CNTN5: variants seen among roughly 807,000 people sequenced by gnomAD.
CNTN5 encodes the protein contactin-5.
In CNTN5, 77 loss-of-function variants were observed where a neutral mutation model predicts 129.1. The observed-to-expected ratio is 0.60, with a 90% CI of 0.50 to 0.72. CNTN5 has a LOEUF of 0.72. CNTN5 is among the 30% of genes least tolerant of loss of function. The pLI, the probability that CNTN5 is intolerant of heterozygous loss-of-function variation, is 0.00. For synonymous variants in CNTN5, 509 were observed against 465.6 expected (o/e 1.09, Z -1.20); for missense variants, 1,478 against 1,328.8 (o/e 1.11, Z -1.75).
At chr11:99,392,483 T>C (rs1385899181) in intron 2 of CNTN5, among the ~76,000 whole-genome samples, 15 of 151,854 alleles carry the variant, frequency 9.9e-5, no homozygotes, top group Non-Finnish European at 1.5e-5. Context: ...TATTGACAGA[T>C]AAGGCTAACT....
intron 2 of CNTN5, among the ~76,000 whole-genome samples, chr11:99,506,365 C>T (rs1946619479): frequency 6.6e-6 from 1 of 152,200 alleles, no homozygotes; most frequent in South Asian, 2.1e-4. Flanking sequence ...ATCTTGCTCT[C>T]TGTTTACAAT....
intron 3 of CNTN5, among the ~76,000 whole-genome samples, chr11:99,742,993 A>T (rs769330106): frequency 1.3e-5 from 2 of 152,192 alleles, no homozygotes; most frequent in Non-Finnish European, 2.9e-5. Flanking sequence ...GTGTGGCTAA[A>T]CTCAGCAACA....
intron 2 of CNTN5, among the ~76,000 whole-genome samples, chr11:99,456,519 A>G (rs1474073377): frequency 1.3e-5 from 2 of 152,098 alleles, no homozygotes; most frequent in African/African-American, 2.4e-5. Flanking sequence ...CCAGGACTAA[A>G]CTGTCATGTT....
intron 2 of CNTN5, among the ~76,000 whole-genome samples, chr11:99,378,811 G>C (rs1056907368): frequency 2.0e-5 from 3 of 151,944 alleles, no homozygotes; most frequent in Non-Finnish European, 4.4e-5. Flanking sequence ...TATTAAAATA[G>C]TTTACAAGAA....
intron 2 of CNTN5, among the ~76,000 whole-genome samples, chr11:99,367,739 G>A (rs1280787899): frequency 6.6e-6 from 1 of 152,122 alleles, no homozygotes; most frequent in Admixed American, 6.6e-5. Flanking sequence ...GAGGTAGGAT[G>A]GGTGGAGAGA....
chr11:100,149,501 T>A (rs1345164920), intron 13 of CNTN5, among the ~76,000 whole-genome samples: 1 of 152,192 alleles, frequency 6.6e-6, no homozygotes, highest in East Asian at 1.9e-4. Flanking sequence ...AAAGGAAAAG[T>A]GTTTGCTTTT....
intron 3 of CNTN5, among the ~76,000 whole-genome samples, chr11:99,681,572 A>G (rs2134717420): frequency 6.6e-6 from 1 of 152,196 alleles, no homozygotes; most frequent in Admixed American, 6.5e-5. Flanking sequence ...TTTTTAGATG[A>G]ATGCTACTGT....
At chr11:99,479,361 G>T (rs1945502317) in intron 2 of CNTN5, among the ~76,000 whole-genome samples, 1 of 151,242 alleles carries the variant, frequency 6.6e-6, no homozygotes, top group African/African-American at 2.4e-5. Context: ...TCTATATGCA[G>T]CATAAAAGTC....
chr11:99,480,746 C>T (rs1945564749), intron 2 of CNTN5, among the ~76,000 whole-genome samples: 1 of 151,762 alleles, frequency 6.6e-6, no homozygotes, highest in Admixed American at 6.6e-5. Context: ...TGAACTAGCC[C>T]CTAGTGTCTA....
chr11:99,360,831 T>A (rs149216240), intron 2 of CNTN5, among the ~76,000 whole-genome samples: 7 of 152,348 alleles, frequency 4.6e-5, no homozygotes, highest in Middle Eastern at 3.4e-3. Context: ...TATAGCCAGG[T>A]TGAGAATATT....
intron 24 of CNTN5, among the ~76,000 whole-genome samples, chr11:100,355,518 C>G (rs961125984): frequency 6.6e-6 from 1 of 151,736 alleles, no homozygotes; most frequent in African/African-American, 2.4e-5. Flanking sequence ...CATTTGTTAC[C>G]ATTATCAATT....
At chr11:100,322,372 G>A (rs1237147814) in intron 21 of CNTN5, among the ~76,000 whole-genome samples, 2 of 151,962 alleles carry the variant, frequency 1.3e-5, no homozygotes, top group Admixed American at 6.6e-5. Flanking sequence ...ACAGGCGCCC[G>A]CCACTACGCC....
intron 3 of CNTN5, among the ~76,000 whole-genome samples, chr11:99,636,381 T>G (rs895085077): frequency 4.7e-5 from 1 of 21,256 alleles, no homozygotes; most frequent in Admixed American, 3.9e-4. Context: ...TCTTTTTTTT[T>G]TTCTTTTTTT....
At chr11:99,733,781 C>G (rs768794085) in intron 3 of CNTN5, among the ~76,000 whole-genome samples, 1 of 152,120 alleles carries the variant, frequency 6.6e-6, no homozygotes, top group Non-Finnish European at 1.5e-5. Context: ...TATTATGAGG[C>G]TTTCACACAC....
At chr11:100,086,380 A>T (rs1944555213) in intron 13 of CNTN5, among the ~76,000 whole-genome samples, 1 of 150,944 alleles carries the variant, frequency 6.6e-6, no homozygotes, top group Non-Finnish European at 1.5e-5. Context: ...GTATCAAAAC[A>T]ATAAAAAAAA....
chr11:99,043,046 G>A (rs1864067015), intron 1 of CNTN5, among the ~76,000 whole-genome samples: 1 of 152,132 alleles, frequency 6.6e-6, no homozygotes, highest in African/African-American at 2.4e-5. Context: ...TTCTGCTAAA[G>A]CCGTTCCTAT....
rs977955110 is a variant in CNTN5, at chr11:99,380,098, TGTGTGTGTATG to T, written c.-71+54623_-71+54633del. ...TGGTGTGTCTGTGTGTGTGTGTGTG[TGTGTGTGTATG>T]GTGTGTGTGTGTTAAATAAATGCTA... On this transcript the variant is annotated intron_variant, in intron 2 of 24. Coordinates refer to ENST00000524871, the MANE Select transcript of CNTN5 (RefSeq NM_014361.4). Among the ~76,000 whole-genome samples the T allele has an allele frequency of 1.8e-4, 25 of 136,656 alleles. No individual in the cohort carries two copies. The Admixed American group carries it at 1.9e-3, about 11-fold the overall frequency. 89.7% of individuals were successfully genotyped at this position (136,656 alleles called of 152,430 possible).
At chr11:100,154,077 G>C (rs1033652902) in intron 13 of CNTN5, among the ~76,000 whole-genome samples, 1 of 151,904 alleles carries the variant, frequency 6.6e-6, no homozygotes, top group South Asian at 2.1e-4. Flanking sequence ...TTAACATTAG[G>C]TATTTCTCCT....
intron 3 of CNTN5, among the ~76,000 whole-genome samples, chr11:99,738,913 T>G (rs1943800806): frequency 6.6e-6 from 1 of 152,234 alleles, no homozygotes. Flanking sequence ...TAGCTTACGC[T>G]TGTTATACTT....
Sources: gnomAD v4.1 joint callset for allele counts (sites outside exome capture counted in the v4.1 genomes callset) on GRCh38, gnomAD v4.1.1 for gene constraint, MANE v1.5 for transcripts, NCBI Gene and HGNC (gene_info 2026-07-23, HGNC 2026-07-21) for gene names.